The following ELOVL6 variants were observed in gnomAD, a reference collection of about 807,000 sequenced individuals.
ELOVL6 encodes the protein ELOVL fatty acid elongase 6, also known as very long chain fatty acid elongase 6.
ELOVL6 carries 8 observed loss-of-function variants against 31.7 expected under a neutral mutation model. That is an observed-to-expected ratio of 0.25 (90% CI 0.15 to 0.45). ELOVL6 has a LOEUF of 0.45. ELOVL6 is among the 20% of genes least tolerant of loss of function. The pLI, the probability that ELOVL6 is intolerant of heterozygous loss-of-function variation, is 1.00. For synonymous variants in ELOVL6, 101 were observed against 117.7 expected (o/e 0.86, Z 0.92); for missense variants, 126 against 326.4 (o/e 0.39, Z 4.73).
intron 1 of ELOVL6, among the ~76,000 whole-genome samples, chr4:110,144,142 A>C (rs1411335261): frequency 6.6e-6 from 1 of 152,094 alleles, no homozygotes; most frequent in Non-Finnish European, 1.5e-5. Context: ...AAAAATACCA[A>C]ATCTGTCATA....
At chr4:110,112,352 T>C (rs949231701) in intron 1 of ELOVL6, among the ~76,000 whole-genome samples, 2 of 152,210 alleles carry the variant, frequency 1.3e-5, no homozygotes, top group African/African-American at 4.8e-5. Context: ...TAGTAAAAGA[T>C]AGCAAACCGC....
At chr4:110,077,438 C>T (rs190638853) in intron 2 of ELOVL6, among the ~76,000 whole-genome samples, 138 of 152,228 alleles carry the variant, frequency 9.1e-4, no homozygotes, top group Non-Finnish European at 8.1e-4. Context: ...CACCAATATC[C>T]GCTGTTCTGC....
chr4:110,106,234 G>A (rs1756886227), intron 1 of ELOVL6, among the ~76,000 whole-genome samples: 1 of 152,124 alleles, frequency 6.6e-6, no homozygotes, highest in Non-Finnish European at 1.5e-5. Flanking sequence ...GTGGGCACCT[G>A]TAATCTTAGC....
chr4:110,160,893 T>A (rs139101609), intron 1 of ELOVL6, among the ~76,000 whole-genome samples: 1 of 152,200 alleles, frequency 6.6e-6, no homozygotes, highest in Non-Finnish European at 1.5e-5. Flanking sequence ...TGGTTTTAAT[T>A]GTTGCTTTTC....
intron 2 of ELOVL6, among the ~76,000 whole-genome samples, chr4:110,087,460 C>T (rs1756298269): frequency 6.6e-6 from 1 of 151,928 alleles, no homozygotes. Flanking sequence ...CATTTTTTTC[C>T]TACTACAAGA....
intron 1 of ELOVL6, among the ~76,000 whole-genome samples, chr4:110,151,766 T>C (rs1319104192): frequency 6.6e-6 from 1 of 152,202 alleles, no homozygotes; most frequent in Non-Finnish European, 1.5e-5. Flanking sequence ...CACCTGCTTC[T>C]CCCACTTACT....
intron 1 of ELOVL6, among the ~76,000 whole-genome samples, chr4:110,194,457 A>T (rs1249093647): frequency 6.6e-6 from 1 of 152,208 alleles, no homozygotes; most frequent in African/African-American, 2.4e-5. Flanking sequence ...TTTGCATTTC[A>T]ATTGCTATTC....
At chr4:110,175,514 TA>T (rs929855547) in intron 1 of ELOVL6, among the ~76,000 whole-genome samples, 1 of 152,166 alleles carries the variant, frequency 6.6e-6, no homozygotes, top group African/African-American at 2.4e-5. Context: ...CATATGTAAG[TA>T]ACATCAATGA....
In ELOVL6 at chr4:110,132,664, CA is replaced by C. The variant is rs561292835; in HGVS notation, c.90-27037del. On this transcript the variant is annotated intron_variant, in intron 1 of 3. Transcript: ENST00000302274. ...CAACATGGTGAAACCCCCAAAAATA[CA>C]AAAATTCAAAAAATACAAAAAAAAA... Among the ~76,000 whole-genome samples, 62 of 151,682 alleles carry C rather than the reference CA, an allele frequency of 4.1e-4. 1 individual carries two copies. Among genetic ancestry groups the C allele is most frequent in the Middle Eastern group, 6.8e-3 (2 of 294 alleles).
At position 110,120,859 on chromosome 4, in the gene ELOVL6, G is replaced by A. The variant is rs557916626; in HGVS notation, c.90-15231C>T. On this transcript the variant is annotated intron_variant, in intron 1 of 3. Coordinates refer to ENST00000302274, the MANE Select transcript of ELOVL6 (RefSeq NM_024090.3). ...TCTATCCCCCTGGCTGGAGTGCTGT[G>A]GAGCGATTTTGGCTCACTGCAACCT... Among the ~76,000 whole-genome samples, 188 of 141,244 alleles carry A rather than the reference G, an allele frequency of 1.3e-3. 1 individual carries two copies. The highest frequency in any genetic ancestry group is 4.2e-3 in the South Asian group (19 of 4,532). 92.7% of individuals were successfully genotyped at this position (141,244 alleles called of 152,430 possible).
intron 2 of ELOVL6, among the ~76,000 whole-genome samples, chr4:110,101,894 T>C (rs1243024705): frequency 6.6e-6 from 1 of 152,146 alleles, no homozygotes; most frequent in East Asian, 1.9e-4. Context: ...AGGCTGGTCT[T>C]ATTTTCTAAT....
intron 2 of ELOVL6, among the ~76,000 whole-genome samples, chr4:110,084,169 A>G (rs868847703): frequency 4.6e-5 from 2 of 43,092 alleles, no homozygotes; most frequent in East Asian, 5.4e-4. Context: ...TATATGTGAT[A>G]TATATGATAT....
At position 110,083,895 on chromosome 4, in the gene ELOVL6, A is replaced by G. The variant is rs1420753222; in HGVS notation, c.221+21602T>C. ...ATGGATGCTGTGATATATATAGATA[A>G]TATATATATACACATAGAGAGAGAG... is the stretch of plus-strand genomic sequence containing the variant. On this transcript the variant is annotated intron_variant, in intron 2 of 3. Transcript: ENST00000302274. Among the ~76,000 whole-genome samples, 7 of 140,832 alleles carry G rather than the reference A, an allele frequency of 5.0e-5. No homozygotes were observed. In the Admixed American group the frequency reaches 5.1e-4, roughly 10 times the overall value. The allele number at this position is 140,832 out of a possible 152,430, so 92.4% of individuals were successfully genotyped here. A position where few individuals can be genotyped will look rare whatever the true frequency, so the allele number is the denominator to read the frequency against.
At chr4:110,176,230 T>C (rs769954285) in intron 1 of ELOVL6, among the ~76,000 whole-genome samples, 1 of 152,142 alleles carries the variant, frequency 6.6e-6, no homozygotes, top group East Asian at 1.9e-4. Context: ...TGGCGTGATC[T>C]TGGCTCACTG....
rs756338920 is a variant in ELOVL6, at chr4:110,105,583, G to A, written c.135C>T (p.Phe45=). The A allele has an allele frequency of 4.3e-6, 7 of 1,613,354 alleles. No homozygotes were observed. In the South Asian group the frequency reaches 4.4e-5, roughly 10 times the overall value. Residue 45 remains phenylalanine (F), a synonymous_variant, in exon 2 of 4, where the codon TTC becomes TTT. Transcript: ENST00000302274. ...LFSALYAAFI[F]GGRHLMNKRA... is the part of the protein sequence containing the mutation. ...GTTTATTCATTAGGTGCCGACCACC[G>A]AATATAAAGGCAGCATACAGAGCAG...
At chr4:110,169,893 C>T (rs1479992809) in intron 1 of ELOVL6, among the ~76,000 whole-genome samples, 1 of 150,974 alleles carries the variant, frequency 6.6e-6, no homozygotes, top group Non-Finnish European at 1.5e-5. Context: ...CAACCTCTGC[C>T]TCCCAGGTTC....
At chr4:110,125,112 T>C (rs1051005476) in intron 1 of ELOVL6, among the ~76,000 whole-genome samples, 1 of 152,206 alleles carries the variant, frequency 6.6e-6, no homozygotes, top group East Asian at 1.9e-4. Flanking sequence ...TAAAAAGTCA[T>C]TGAGTAATTT....
At position 110,127,947 on chromosome 4, in the gene ELOVL6, C is replaced by G. The variant is rs1757556089; in HGVS notation, c.90-22319G>C. Reference sequence around the variant, plus strand: ...AACAGGCTGGGCACAGTGGCTTACACCTGTAATCCCAGCACTTTGGGAGGC... The same window carrying G: ...AACAGGCTGGGCACAGTGGCTTACAGCTGTAATCCCAGCACTTTGGGAGGC... On this transcript the variant is annotated intron_variant, in intron 1 of 3. Coordinates refer to ENST00000302274, the MANE Select transcript of ELOVL6 (RefSeq NM_024090.3). Among the ~76,000 whole-genome samples, 4 of 152,088 alleles carry G rather than the reference C, an allele frequency of 2.6e-5. No homozygotes were observed. In the South Asian group the frequency reaches 6.2e-4, roughly 24 times the overall value.
At chr4:110,105,095 TTAAG>T (rs1756848959) in intron 2 of ELOVL6, among the ~76,000 whole-genome samples, 2 of 152,178 alleles carry the variant, frequency 1.3e-5, no homozygotes, top group South Asian at 4.1e-4. Flanking sequence ...CATCTTTTGA[TTAAG>T]TGTTAGGAAC....
Sources: gnomAD v4.1 joint callset for allele counts (sites outside exome capture counted in the v4.1 genomes callset) on GRCh38, gnomAD v4.1.1 for gene constraint, MANE v1.5 for transcripts, NCBI Gene and HGNC (gene_info 2026-07-23, HGNC 2026-07-21) for gene names.